Variants in TMEM132B observed in about 807,000 individuals in gnomAD.
The protein encoded by TMEM132B is transmembrane protein 132B.
A neutral mutation model predicts 90.8 loss-of-function variants in TMEM132B; 18 were observed. The observed-to-expected ratio is 0.20, with a 90% CI of 0.14 to 0.29. The LOEUF is 0.29. TMEM132B is among the 10% of genes least tolerant of loss of function. The pLI, the probability that TMEM132B is intolerant of heterozygous loss-of-function variation, is 1.00. For synonymous variants in TMEM132B, 504 were observed against 523.3 expected (o/e 0.96, Z 0.50); for missense variants, 1,096 against 1,326.8 (o/e 0.83, Z 2.70).
intron 4 of TMEM132B, among the ~76,000 whole-genome samples, chr12:125,557,274 G>A (rs1461833363): frequency 3.3e-5 from 5 of 151,872 alleles, no homozygotes; most frequent in Admixed American, 1.3e-4. Flanking sequence ...ACTACATGCC[G>A]GCCCCTGGAT....
intron 3 of TMEM132B, among the ~76,000 whole-genome samples, chr12:125,443,762 T>C (rs1035906805): frequency 6.6e-5 from 10 of 152,208 alleles, no homozygotes; most frequent in African/African-American, 1.9e-4. Flanking sequence ...TGAAGCTAAA[T>C]AACCCATTGA....
At chr12:125,205,143 A>G (rs1359899163) in intron 1 of TMEM132B, among the ~76,000 whole-genome samples, 1 of 148,742 alleles carries the variant, frequency 6.7e-6, no homozygotes, top group Non-Finnish European at 1.5e-5. Flanking sequence ...GGAGTATCTC[A>G]TGAATCCTTT....
At chr12:125,208,667 G>A (rs957808205) in intron 1 of TMEM132B, among the ~76,000 whole-genome samples, 3 of 152,218 alleles carry the variant, frequency 2.0e-5, no homozygotes, top group Non-Finnish European at 4.4e-5. Context: ...GTATGGATAA[G>A]GGATTGGGAT....
intron 3 of TMEM132B, among the ~76,000 whole-genome samples, chr12:125,511,850 T>TAAAA (rs1188465342): frequency 2.1e-3 from 184 of 89,718 alleles, no homozygotes; most frequent in African/African-American, 0.01. Flanking sequence ...AGACTCTATC[T>TAAAA]CAAAAAAAAA....
At chr12:125,621,594 T>C (rs1886114001) in intron 5 of TMEM132B, among the ~76,000 whole-genome samples, 1 of 152,160 alleles carries the variant, frequency 6.6e-6, no homozygotes, top group African/African-American at 2.4e-5. Flanking sequence ...GTAGACATCA[T>C]TAATCAATCC....
chr12:125,469,759 T>G (rs529175831), intron 3 of TMEM132B, among the ~76,000 whole-genome samples: 1 of 152,324 alleles, frequency 6.6e-6, no homozygotes, highest in African/African-American at 2.4e-5. Flanking sequence ...GTAGTTGTTG[T>G]GTGTGTTCAG....
intron 5 of TMEM132B, among the ~76,000 whole-genome samples, chr12:125,643,029 T>C (rs1886669510): frequency 6.6e-6 from 1 of 152,188 alleles, no homozygotes; most frequent in African/African-American, 2.4e-5. Context: ...ACTTCTGACA[T>C]TGTTCTTGAG....
At chr12:125,500,160 C>A (rs1014384483) in intron 3 of TMEM132B, among the ~76,000 whole-genome samples, 1 of 152,186 alleles carries the variant, frequency 6.6e-6, no homozygotes, top group Non-Finnish European at 1.5e-5. Flanking sequence ...GAGAGAGCCC[C>A]GTTGCATTGC....
chr12:125,549,942 A>G (rs549413823), intron 4 of TMEM132B, among the ~76,000 whole-genome samples: 1 of 152,202 alleles, frequency 6.6e-6, no homozygotes, highest in South Asian at 2.1e-4. Context: ...CTCCTACACC[A>G]TCCTTCTCTC....
chr12:125,297,166 T>C (rs570088395), intron 1 of TMEM132B, among the ~76,000 whole-genome samples: 1 of 152,276 alleles, frequency 6.6e-6, no homozygotes, highest in South Asian at 2.1e-4. Context: ...TGGGTCAGCA[T>C]TGGATGGCTT....
At chr12:125,547,758 C>G (rs1449643465) in intron 4 of TMEM132B, among the ~76,000 whole-genome samples, 1 of 152,154 alleles carries the variant, frequency 6.6e-6, no homozygotes, top group African/African-American at 2.4e-5. Flanking sequence ...ATGGATTCAG[C>G]TCAGGAATTC....
chr12:125,611,666 ATTGG>A (rs1428490195), intron 5 of TMEM132B, among the ~76,000 whole-genome samples: 1 of 151,928 alleles, frequency 6.6e-6, no homozygotes, highest in Non-Finnish European at 1.5e-5. Flanking sequence ...TGGCTGACTG[ATTGG>A]TTATTTAGTA....
intron 1 of TMEM132B, among the ~76,000 whole-genome samples, chr12:125,262,245 C>CAAAAAAAAAAAAAAAAAAAAAAAA (rs11307058): frequency 1.2e-5 from 1 of 84,310 alleles, no homozygotes; most frequent in Non-Finnish European, 2.4e-5. Context: ...CCTGTTTCTA[C>CAAAAAAAAAAAAAAAAAAAAAAAA]AAAAAAAAAA....
chr12:125,237,346 C>T (rs1873959493), intron 1 of TMEM132B, among the ~76,000 whole-genome samples: 1 of 152,172 alleles, frequency 6.6e-6, no homozygotes, highest in African/African-American at 2.4e-5. Context: ...GACAGGCTTT[C>T]CTGCACCGCC....
chr12:125,336,368 C>A (rs777464114), intron 1 of TMEM132B, among the ~76,000 whole-genome samples: 1 of 152,164 alleles, frequency 6.6e-6, no homozygotes, highest in Non-Finnish European at 1.5e-5. Flanking sequence ...ACACAGGTAC[C>A]GAGGCTTCTT....
chr12:125,231,026 C>T (rs904440217), intron 1 of TMEM132B, among the ~76,000 whole-genome samples: 3 of 152,094 alleles, frequency 2.0e-5, no homozygotes, highest in Admixed American at 6.5e-5. Context: ...TATTATTTTG[C>T]GATTCTGGAG....
chr12:125,592,800 T>C (rs1033335106), intron 5 of TMEM132B, among the ~76,000 whole-genome samples: 1 of 152,214 alleles, frequency 6.6e-6, no homozygotes, highest in Non-Finnish European at 1.5e-5. Context: ...CCTGAGCTGA[T>C]GTCACTGAGC....
rs1293388715 is a variant in TMEM132B, at chr12:125,277,958, C to T, written c.68-71494C>T. Reference sequence around the variant, plus strand: ...CTCTGCAGTGTGCCCAAGTCACCACCACTTCCAGTTGTCCTAAAACCAGCC... The same window carrying T: ...CTCTGCAGTGTGCCCAAGTCACCACTACTTCCAGTTGTCCTAAAACCAGCC... On this transcript the variant is annotated intron_variant, in intron 1 of 8. Transcript: ENST00000682704. The surrounding 1 kb of genome is among the most constrained non-coding windows in gnomAD (Gnocchi z 4.3). Among the ~76,000 whole-genome samples, 2 of 152,200 alleles carry T rather than the reference C, an allele frequency of 1.3e-5. No homozygotes were observed. The highest frequency in any genetic ancestry group is 3.8e-4 in the East Asian group (2 of 5,200).
At chr12:125,352,947 G>C (rs566502636) in intron 2 of TMEM132B, among the ~76,000 whole-genome samples, 2 of 152,316 alleles carry the variant, frequency 1.3e-5, no homozygotes, top group African/African-American at 4.8e-5. Flanking sequence ...GGTGTGGACT[G>C]AGCCCTGTGC....
Sources: gnomAD v4.1 joint callset for allele counts (sites outside exome capture counted in the v4.1 genomes callset) on GRCh38, gnomAD v4.1.1 for gene constraint, Gnocchi (gnomAD v3.1) non-coding constraint, MANE v1.5 for transcripts, NCBI Gene and HGNC (gene_info 2026-07-23, HGNC 2026-07-21) for gene names.